STAU1: variants seen among roughly 807,000 people sequenced by gnomAD.
The protein encoded by STAU1 is staufen double-stranded RNA binding protein 1, also known as double-stranded RNA-binding protein Staufen homolog 1.
STAU1 carries 13 observed loss-of-function variants against 62.9 expected under a neutral mutation model. The observed-to-expected ratio is 0.21, with a 90% CI of 0.13 to 0.33. The LOEUF (loss-of-function observed/expected upper bound fraction) is 0.33. Ranked by LOEUF, STAU1 falls within the 10% of genes least tolerant of loss-of-function variation. The probability of loss-of-function intolerance (pLI) is 1.00; values close to 1 mark genes in which losing one functional copy is unlikely to be tolerated. For missense variants in STAU1, 571 were observed against 712.1 expected, an observed-to-expected ratio of 0.80 and a Z score of 2.25; for synonymous variants, 269 against 265.1, an observed-to-expected ratio of 1.01 and a Z score of -0.14.
At chr20:49,116,616 G>A (rs1234834193) in intron 12 of STAU1, among the ~76,000 whole-genome samples, 1 of 152,166 alleles carries the variant, frequency 6.6e-6, no homozygotes, top group Non-Finnish European at 1.5e-5. Context: ...TGGGATTAGT[G>A]TGAGCCACCA....
intron 8 of STAU1, among the ~76,000 whole-genome samples, chr20:49,122,880 G>C (rs1182149216): frequency 3.3e-5 from 5 of 152,030 alleles, no homozygotes; most frequent in Non-Finnish European, 5.9e-5. Flanking sequence ...CAGCACCACT[G>C]CACTCCAGCC....
intron 1 of STAU1, among the ~76,000 whole-genome samples, chr20:49,181,487 G>A (rs148701215): frequency 6.6e-6 from 1 of 152,134 alleles, no homozygotes; most frequent in African/African-American, 2.4e-5. Context: ...GGGCAAGGCC[G>A]GGAACAGTGG....
rs201389575 is a variant in STAU1, at chr20:49,117,187, G to A, written c.1571C>T (p.Ser524Phe). 2 of 1,614,048 alleles carry A rather than the reference G, an allele frequency of 1.2e-6. No individual in the cohort carries two copies. The highest frequency in any genetic ancestry group is 1.3e-5 in the African/African-American group (1 of 74,898). ...ATGGCTGATCAGAGGTGGCTGAGAG[G>A]AGCAATTGATAAGAGATACAAATTC... ...KNEFVSLINC[S>F]SQPPLISHGI... Residue 524 changes from serine to phenylalanine, a missense_variant, in exon 12 of 14, where the codon TCC becomes TTC. Around this residue, in one of 3 missense-constraint regions of STAU1, gnomAD observed 156 missense variants for 194.7 expected, o/e 0.80. Coordinates refer to ENST00000371856, the MANE Select transcript of STAU1 (RefSeq NM_017453.4). This position sits in a 1 kb window ranked among gnomAD's most constrained non-coding sequence, Gnocchi z 4.6.
At chr20:49,154,098 GT>G in intron 3 of STAU1, 27 bp from the exon 4 acceptor site, 4 of 1,581,366 alleles carry the variant, frequency 2.5e-6, no homozygotes, top group Non-Finnish European at 3.4e-6. Context: ...ACAAAGAACT[GT>G]TTTTTTCTGG....
chr20:49,146,770 C>T (rs2093140314), intron 5 of STAU1, among the ~76,000 whole-genome samples: 2 of 151,986 alleles, frequency 1.3e-5, no homozygotes. Context: ...CAGGATCACA[C>T]TGTATGCACA....
the STAU1 span, among the ~76,000 whole-genome samples, chr20:49,201,278 G>A: frequency 0.21 from 31,809 of 151,868 alleles, 3,415 homozygotes; most frequent in Non-Finnish European, 0.24. Flanking sequence ...CTGAGGATAC[G>A]AGGATGGAAT....
At chr20:49,168,427 T>C (rs1399149467) in intron 2 of STAU1, among the ~76,000 whole-genome samples, 3 of 152,114 alleles carry the variant, frequency 2.0e-5, no homozygotes, top group Admixed American at 6.6e-5. Flanking sequence ...GAGAAAGGAA[T>C]AGGCTTTTTA....
At chr20:49,204,602 A>ATATATATATG in the STAU1 span, among the ~76,000 whole-genome samples, 1 of 43,484 alleles carries the variant, frequency 2.3e-5, no homozygotes, top group Non-Finnish European at 5.0e-5. Context: ...TTATATATAT[A>ATATATATATG]TATATATATA....
chr20:49,132,206 T>C (rs372782443), intron 6 of STAU1, among the ~76,000 whole-genome samples: 1 of 152,074 alleles, frequency 6.6e-6, no homozygotes, highest in African/African-American at 2.4e-5. Flanking sequence ...CTGAAACACT[T>C]CTTCCCACAA....
At chr20:49,170,475 C>T (rs1358125754) in intron 2 of STAU1, among the ~76,000 whole-genome samples, 2 of 152,086 alleles carry the variant, frequency 1.3e-5, no homozygotes, top group African/African-American at 2.4e-5. Context: ...GTCAGCCTCC[C>T]GAGTAGCGGG....
intron 1 of STAU1, 112 bp downstream of exon 1, chr20:49,188,004 G>A (rs1188497125): frequency 6.6e-6 from 1 of 151,426 alleles, no homozygotes; most frequent in Non-Finnish European, 1.5e-5. Context: ...CCGGGAGAAG[G>A]CGGAGGGGTG....
chr20:49,192,623 C>T (rs1456725456), upstream of STAU1, among the ~76,000 whole-genome samples: 1 of 151,882 alleles, frequency 6.6e-6, no homozygotes. Context: ...TGGCAAAATC[C>T]CAACTCTACA....
chr20:49,189,201 CAAAAAAAAAAAAAAAAAAAAAAA>C (rs545643816), upstream of STAU1, among the ~76,000 whole-genome samples: 10 of 33,596 alleles, frequency 3.0e-4, no homozygotes, highest in South Asian at 4.1e-3. Flanking sequence ...ACACTGGTCT[CAAAAAAAAAAAAAAAAAAAAAAA>C]AAAAAAAAAA....
chr20:49,181,770 A>C (rs1397510268), intron 1 of STAU1, among the ~76,000 whole-genome samples: 4 of 14,712 alleles, frequency 2.7e-4, no homozygotes, highest in African/African-American at 7.3e-4. Context: ...TCTCAACAAA[A>C]AAAAAAAAAA....
At chr20:49,187,786 C>CG (rs924006043) in intron 1 of STAU1, among the ~76,000 whole-genome samples, 1 of 150,782 alleles carries the variant, frequency 6.6e-6, no homozygotes, top group African/African-American at 2.4e-5. Flanking sequence ...CCCCCCCCCC[C>CG]CCGCCTGCGC....
intron 1 of STAU1, among the ~76,000 whole-genome samples, chr20:49,187,844 C>A (rs1262399092): frequency 7.1e-6 from 1 of 141,708 alleles, no homozygotes; most frequent in East Asian, 2.3e-4. Context: ...CCATGCGGGA[C>A]GAGGAAAGGC....
chr20:49,115,905 C>A, intron 12 of STAU1, 38 bp from the exon 13 acceptor site: 2 of 1,577,270 alleles, frequency 1.3e-6, no homozygotes, highest in Non-Finnish European at 8.7e-7. Context: ...CCACAGCCAC[C>A]GCTTGGGACC....
intron 5 of STAU1, among the ~76,000 whole-genome samples, chr20:49,142,629 T>G (rs2093034381): frequency 6.6e-6 from 1 of 152,142 alleles, no homozygotes; most frequent in Admixed American, 6.6e-5. Context: ...ATGGCCTGGA[T>G]AGCAGTTTTA....
At chr20:49,116,955 C>T (rs964752177) in intron 12 of STAU1, among the ~76,000 whole-genome samples, 171 bp downstream of exon 12, 2 of 152,168 alleles carry the variant, frequency 1.3e-5, no homozygotes, top group African/African-American at 2.4e-5. Flanking sequence ...TCGATCCAAT[C>T]AGCTATGACA....
Sources: gnomAD v4.1 joint callset for allele counts (sites outside exome capture counted in the v4.1 genomes callset) on GRCh38, gnomAD v4.1.1 for gene constraint, gnomAD v4.1.1 regional missense constraint, Gnocchi (gnomAD v3.1) non-coding constraint, MANE v1.5 for transcripts, NCBI Gene and HGNC (gene_info 2026-07-23, HGNC 2026-07-21) for gene names.